The following EDIL3 variants were observed in gnomAD, a reference collection of about 807,000 sequenced individuals.
EDIL3 encodes EGF like and discoidin domains 3, also known as EGF-like repeat and discoidin I-like domain-containing protein 3.
In EDIL3, 37 loss-of-function variants were observed where a neutral mutation model predicts 67.4. That is an observed-to-expected ratio of 0.55 (90% CI 0.42 to 0.72). The LOEUF (loss-of-function observed/expected upper bound fraction) is 0.72, where lower values mean the gene tolerates loss of function less well. Ranked by LOEUF, EDIL3 falls within the 30% of genes least tolerant of loss-of-function variation. The pLI is 0.00. For missense variants in EDIL3, 527 were observed against 586.3 expected (o/e 0.90, Z 1.04); for synonymous variants, 195 against 196.3 (o/e 0.99, Z 0.05).
intron 1 of EDIL3, among the ~76,000 whole-genome samples, chr5:84,363,379 A>G (rs927714355): frequency 2.7e-5 from 4 of 150,854 alleles, no homozygotes; most frequent in Non-Finnish European, 5.9e-5. Flanking sequence ...GAACTCGGGA[A>G]GTGGAGGTTG....
chr5:83,948,222 C>A (rs1242353545), intron 10 of EDIL3, among the ~76,000 whole-genome samples: 1 of 151,520 alleles, frequency 6.6e-6, no homozygotes, highest in African/African-American at 2.4e-5. Flanking sequence ...TATAAAGCAA[C>A]CATTTATATA....
rs1226756912 is a variant in EDIL3 at position 84,137,347 on chromosome 5, A to G, written c.363T>C (p.Asn121=). 2.5e-6 allele frequency: 4 copies of G among 1,612,038 alleles called. No individual in the cohort carries two copies. The highest frequency in any genetic ancestry group is 1.3e-5 in the African/African-American group (1 of 74,968). ...TTTTGCAAGGCTCAACTTCGCATTC[A>G]TTTATGTCTAAGAAAAACAGAAAGG... ...FNGIHCQHNI[N]ECEVEPCKNG... Residue 121 remains asparagine (N), a synonymous_variant, in exon 5 of 11, where the codon AAT becomes AAC. Coordinates refer to ENST00000296591, the MANE Select transcript of EDIL3 (RefSeq NM_005711.5).
At chr5:84,157,217 G>C (rs536422376) in intron 4 of EDIL3, among the ~76,000 whole-genome samples, 4 of 151,784 alleles carry the variant, frequency 2.6e-5, no homozygotes, top group Non-Finnish European at 5.9e-5. Flanking sequence ...AGTAACTAAT[G>C]GGTACGAGGC....
chr5:84,307,289 G>A (rs1386302984), intron 1 of EDIL3, among the ~76,000 whole-genome samples: 1 of 138,948 alleles, frequency 7.2e-6, no homozygotes, highest in Non-Finnish European at 1.7e-5. Context: ...TCTAGGCAAA[G>A]ACAAATAAAA....
intron 1 of EDIL3, among the ~76,000 whole-genome samples, chr5:84,310,798 T>C (rs562824146): frequency 6.6e-6 from 1 of 152,286 alleles, no homozygotes; most frequent in African/African-American, 2.4e-5. Context: ...CATGTGTACA[T>C]ATCTATGTAC....
chr5:84,309,309 C>CTTTTTTTTTTTTTT (rs1746333742), intron 1 of EDIL3, among the ~76,000 whole-genome samples: 2 of 100,770 alleles, frequency 2.0e-5, no homozygotes, highest in African/African-American at 3.8e-5. Context: ...CTTTTTTTTT[C>CTTTTTTTTTTTTTT]TTTGTTTTTT....
At chr5:84,075,320 G>A (rs1746830618) in intron 6 of EDIL3, among the ~76,000 whole-genome samples, 2 of 151,776 alleles carry the variant, frequency 1.3e-5, no homozygotes, top group South Asian at 4.2e-4. Context: ...TGCACATTGT[G>A]CACATGTACC....
At chr5:84,147,389 G>A (rs1041351664) in intron 4 of EDIL3, among the ~76,000 whole-genome samples, 1 of 152,038 alleles carries the variant, frequency 6.6e-6, no homozygotes, top group Non-Finnish European at 1.5e-5. Context: ...TGACAAACAA[G>A]TATGTTGAAT....
intron 6 of EDIL3, among the ~76,000 whole-genome samples, chr5:84,104,313 T>C (rs1747419614): frequency 6.6e-6 from 1 of 150,516 alleles, no homozygotes; most frequent in Admixed American, 6.6e-5. Context: ...AAATAATCTG[T>C]ACAACAAAAA....
chr5:84,161,459 A>G (rs907235419), intron 4 of EDIL3, among the ~76,000 whole-genome samples: 5 of 152,024 alleles, frequency 3.3e-5, no homozygotes, highest in Non-Finnish European at 5.9e-5. Context: ...TTTCTCATTA[A>G]AAAAAGAGCT....
chr5:83,998,346 C>A (rs1328954664), intron 9 of EDIL3, among the ~76,000 whole-genome samples: 1 of 152,182 alleles, frequency 6.6e-6, no homozygotes, highest in Non-Finnish European at 1.5e-5. Context: ...CAGAAGGGAA[C>A]TCGCTACGTT....
chr5:84,174,707 C>T (rs369144034), intron 4 of EDIL3, among the ~76,000 whole-genome samples: 8 of 152,264 alleles, frequency 5.3e-5, no homozygotes, highest in South Asian at 2.1e-4. Context: ...TAGAACAAGA[C>T]GGACTGTTGG....
chr5:84,371,425 ATGTGTGTG>A, intron 1 of EDIL3, among the ~76,000 whole-genome samples: 1 of 116,416 alleles, frequency 8.6e-6, no homozygotes. Context: ...GTGTATATAT[ATGTGTGTG>A]TATATATATA....
chr5:84,174,468 AG>A (rs1748865184), intron 4 of EDIL3, among the ~76,000 whole-genome samples: 1 of 152,148 alleles, frequency 6.6e-6, no homozygotes, highest in African/African-American at 2.4e-5. Context: ...TATGGAATGG[AG>A]GGGGTACCTA....
At chr5:84,311,324 C>CTTGTGTTTTTTTTTTTTTTTTTTT in intron 1 of EDIL3, among the ~76,000 whole-genome samples, 1 of 105,546 alleles carries the variant, frequency 9.5e-6, no homozygotes, top group Non-Finnish European at 2.1e-5. Context: ...TTTTTTTTTT[C>CTTGTGTTTTTTTTTTTTTTTTTTT]TTTTTTTTTT....
rs1744276545 is a variant in EDIL3 at position 83,944,395 on chromosome 5, GC to G, written c.1294-828del. ...TTCTTCTTTCTTCTTTTGTAAAAATGCTTTTTTTTTTTTTTTTTTGGAGCTT... is the reference window on the plus strand; with the variant it reads ...TTCTTCTTTCTTCTTTTGTAAAAATGTTTTTTTTTTTTTTTTTTGGAGCTT... On this transcript the variant is annotated intron_variant, in intron 10 of 10. Coordinates refer to ENST00000296591, the MANE Select transcript of EDIL3 (RefSeq NM_005711.5). Among the ~76,000 whole-genome samples the G allele has an allele frequency of 3.1e-5, 4 of 128,490 alleles. No homozygotes were observed. In the Admixed American group the frequency reaches 3.3e-4, roughly 11 times the overall value. The allele number at this position is 128,490 out of a possible 152,430, so 84.3% of individuals were successfully genotyped here. A position where few individuals can be genotyped will look rare whatever the true frequency, so the allele number is the denominator to read the frequency against.
rs537660729 is a variant in EDIL3, at chr5:84,132,789, A to G, written c.469+4452T>C. On this transcript the variant is annotated intron_variant, in intron 5 of 10. Coordinates refer to ENST00000296591, the MANE Select transcript of EDIL3 (RefSeq NM_005711.5). The stretch of plus-strand genomic sequence containing the variant: ...ATCCTTATCACAGAATTCTTAAACA[A>G]CTATATAATTATCTAGATTATTTTA... Among the ~76,000 whole-genome samples the G allele has an allele frequency of 7.3e-5, 11 of 151,376 alleles. No homozygotes were observed. In the South Asian group the frequency reaches 2.3e-3, roughly 31 times the overall value.
intron 1 of EDIL3, among the ~76,000 whole-genome samples, chr5:84,336,375 T>C (rs182025631): frequency 2.0e-4 from 31 of 152,304 alleles, no homozygotes; most frequent in African/African-American, 7.2e-4. Context: ...TTGTGAGTTA[T>C]GGTCTGTAAC....
At chr5:84,316,614 T>G (rs1332607219) in intron 1 of EDIL3, among the ~76,000 whole-genome samples, 1 of 152,006 alleles carries the variant, frequency 6.6e-6, no homozygotes, top group Non-Finnish European at 1.5e-5. Flanking sequence ...ATAAAGCAAG[T>G]TCTTAGAGAC....
Sources: gnomAD v4.1 joint callset for allele counts (sites outside exome capture counted in the v4.1 genomes callset) on GRCh38, gnomAD v4.1.1 for gene constraint, MANE v1.5 for transcripts, NCBI Gene and HGNC (gene_info 2026-07-23, HGNC 2026-07-21) for gene names.